The following NNT variants were observed in gnomAD, a reference collection of about 807,000 sequenced individuals.
NNT encodes NAD(P) transhydrogenase, mitochondrial.
In NNT, 50 loss-of-function variants were observed where a neutral mutation model predicts 104.8. The observed-to-expected ratio is 0.48, with a 90% CI of 0.38 to 0.60. The LOEUF is 0.60. Among genes scored for constraint, NNT ranks in the 20% least tolerant of loss-of-function variants. The pLI is 0.00. For missense variants in NNT, 1,131 were observed against 1,330.7 expected, an observed-to-expected ratio of 0.85 and a Z score of 2.33; for synonymous variants, 461 against 490.4, an observed-to-expected ratio of 0.94 and a Z score of 0.79.
rs1284519253 is a variant in NNT, at chr5:43,704,330, G to A, written c.3187G>A (p.Ala1063Thr). Reference sequence around the variant, plus strand: ...TCCAATCTTCTACAAACCTAACACGGCCATGCTTCTAGGTGATGCCAAGAA... The same window carrying A: ...TCCAATCTTCTACAAACCTAACACGACCATGCTTCTAGGTGATGCCAAGAA... Reference protein sequence around the residue: ...DNPIFYKPNTAMLLGDAKKTC... With the variant: ...DNPIFYKPNTTMLLGDAKKTC... Residue 1063 changes from alanine (A) to threonine (T), a missense_variant, in exon 22 of 22, where the codon GCC (alanine) becomes ACC (threonine). By Grantham distance (58) the Ala-to-Thr change is moderately conservative. Coordinates refer to ENST00000344920, the MANE Select transcript of NNT (RefSeq NM_182977.3). 2.5e-6 allele frequency: 4 copies of A among 1,612,612 alleles called. No homozygotes were observed. Among genetic ancestry groups the A allele is most frequent in the South Asian group, 1.1e-5 (1 of 90,984 alleles).
intron 19 of NNT, among the ~76,000 whole-genome samples, chr5:43,693,788 A>G (rs1742413444): frequency 6.6e-6 from 1 of 152,242 alleles, no homozygotes; most frequent in African/African-American, 2.4e-5. Flanking sequence ...AGAACCTAAA[A>G]CCTGCATTAA....
rs745685714 is a variant in NNT, at chr5:43,609,300, A to T, written c.105A>T (p.Thr35=). Residue 35 remains threonine (T), a synonymous_variant, in exon 2 of 22, where the codon ACA becomes ACT. Coordinates refer to ENST00000344920, the MANE Select transcript of NNT (RefSeq NM_182977.3). ...GLRVKKDFLR[T]FYTHQELWCK... ...GTGTGAAGAAGGATTTTTTACGAAC[A>T]TTTTATACTCACCAAGAACTGTGGT... 12 of 1,614,124 alleles carry T rather than the reference A, an allele frequency of 7.4e-6. No individual in the cohort carries two copies. The South Asian group carries it at 1.3e-4, about 18-fold the overall frequency.
At chr5:43,683,135 G>A (rs1268613110) in intron 19 of NNT, among the ~76,000 whole-genome samples, 2 of 152,176 alleles carry the variant, frequency 1.3e-5, no homozygotes, top group African/African-American at 4.8e-5. Context: ...CTGCCTTCTC[G>A]AAAAACATGG....
At chr5:43,626,514 C>A (rs1358116440) in intron 6 of NNT, among the ~76,000 whole-genome samples, 1 of 151,940 alleles carries the variant, frequency 6.6e-6, no homozygotes. Context: ...AAAAGATATA[C>A]ACATTTTAAA....
intron 1 of NNT, among the ~76,000 whole-genome samples, chr5:43,604,519 A>G (rs1482230667): frequency 6.6e-6 from 1 of 152,188 alleles, no homozygotes; most frequent in Non-Finnish European, 1.5e-5. Context: ...AATGTGCTCA[A>G]TAGGTACTTA....
Position 43,677,749 on chromosome 5 carries a change from C to G in NNT, c.2819C>G (p.Ala940Gly), listed in dbSNP as rs754592626. 11 of 1,613,552 alleles carry G rather than the reference C, an allele frequency of 6.8e-6. No homozygotes were observed. Among genetic ancestry groups the G allele is most frequent in the Admixed American group, 3.3e-5 (2 of 59,984 alleles). ...GGCTATGGTCTCTGTGCAGCCAAAGCTCAATACCCCATTGCTGATTTGGTA... is the reference window on the plus strand; with the variant it reads ...GGCTATGGTCTCTGTGCAGCCAAAGGTCAATACCCCATTGCTGATTTGGTA... Reference protein sequence around the residue: ...TPGYGLCAAKAQYPIADLVKM... With the variant: ...TPGYGLCAAKGQYPIADLVKM... The change falls in exon 19 of 22, where the codon GCT becomes GGT. Residue 940 changes from alanine (A) to glycine (G), a missense_variant. By Grantham distance (60) the Ala-to-Gly change is moderately conservative (BLOSUM62 0). Coordinates refer to ENST00000344920, the MANE Select transcript of NNT (RefSeq NM_182977.3).
intron 19 of NNT, among the ~76,000 whole-genome samples, chr5:43,698,266 C>T (rs1173723006): frequency 1.3e-5 from 2 of 151,146 alleles, no homozygotes; most frequent in African/African-American, 4.9e-5. Flanking sequence ...ATTTTGTTAC[C>T]ACTTTGATGA....
intron 4 of NNT, 66 bp downstream of exon 4, chr5:43,616,131 C>A: frequency 8.1e-7 from 1 of 1,233,742 alleles, no homozygotes; most frequent in South Asian, 1.4e-5. Context: ...CACACTGTAG[C>A]TCTTCTGTCT....
chr5:43,605,432 C>T (rs1749158033), intron 1 of NNT, among the ~76,000 whole-genome samples: 1 of 139,148 alleles, frequency 7.2e-6, no homozygotes, highest in Non-Finnish European at 1.5e-5. Flanking sequence ...AGGAGAATGG[C>T]GTGAACCCGG....
Position 43,666,121 on chromosome 5 carries a change from G to A in NNT, c.2634+6771G>A, listed in dbSNP as rs535848860. On this transcript the variant is annotated intron_variant, in intron 17 of 21. Coordinates refer to ENST00000344920, the MANE Select transcript of NNT (RefSeq NM_182977.3). ...CTCACTTCCCGGACTGGGCGGCCGG[G>A]CAGAGGGGCTCCTCACATCCCAGAC... Among the ~76,000 whole-genome samples the A allele has an allele frequency of 3.9e-5, 6 of 152,010 alleles. No individual in the cohort carries two copies. In the East Asian group the frequency reaches 1.2e-3, roughly 30 times the overall value.
chr5:43,628,886 C>T (rs779261226), intron 7 of NNT, among the ~76,000 whole-genome samples: 5 of 152,000 alleles, frequency 3.3e-5, no homozygotes, highest in Non-Finnish European at 7.4e-5. Flanking sequence ...CACGCCTAGC[C>T]CTTTTGTGAA....
At chr5:43,686,645 G>A (rs902261965) in intron 19 of NNT, among the ~76,000 whole-genome samples, 1 of 151,994 alleles carries the variant, frequency 6.6e-6, no homozygotes, top group African/African-American at 2.4e-5. Flanking sequence ...TTTGTATTAA[G>A]TGATTATTAA....
chr5:43,704,675 C>T lies in NNT; in HGVS notation c.*271C>T, dbSNP rs2112272193. On this transcript the variant is annotated 3_prime_UTR_variant, in exon 22 of 22. Coordinates refer to ENST00000344920, the MANE Select transcript of NNT (RefSeq NM_182977.3). ...TATTTTATAAAAGGAGAAAGAACAG[C>T]CTCATTTTAGATGTAGTCCTGTTGG... The T allele has an allele frequency of 3.0e-6, 1 of 333,174 alleles. No individual in the cohort carries two copies. The highest frequency in any genetic ancestry group is 5.5e-6 in the Non-Finnish European group (1 of 181,846). The allele number at this position is 333,174 out of a possible 1,614,324, so 20.6% of individuals were successfully genotyped here.
intron 19 of NNT, among the ~76,000 whole-genome samples, chr5:43,689,312 A>G (rs1419819836): frequency 3.3e-5 from 5 of 152,150 alleles, no homozygotes; most frequent in African/African-American, 1.2e-4. Flanking sequence ...TAGATTTTGA[A>G]GATTTTCTCC....
intron 10 of NNT, chr5:43,647,776 G>C: frequency 2.9e-6 from 1 of 343,520 alleles, no homozygotes; most frequent in South Asian, 2.4e-5. Flanking sequence ...TGTGGATTGT[G>C]ATAAGGTAGT....
At chr5:43,699,353 CT>C (rs11397352) in intron 19 of NNT, among the ~76,000 whole-genome samples, 81 of 122,478 alleles carry the variant, frequency 6.6e-4, no homozygotes, top group South Asian at 5.2e-3. Flanking sequence ...ATCTCCCTAC[CT>C]TTTTTTTTTT....
chr5:43,643,486 T>C (rs1050806854), intron 7 of NNT, among the ~76,000 whole-genome samples: 2 of 152,156 alleles, frequency 1.3e-5, no homozygotes, highest in South Asian at 4.1e-4. Flanking sequence ...AACAAGGACT[T>C]TTTTTGTTTA....
chr5:43,704,861 A>G lies in NNT; in HGVS notation c.*457A>G, dbSNP rs1425868852. ...TTTCAACAAATGTGACTAATTTGAA[A>G]CTTTTATGAACTTCTGAGCTGTCCC... On this transcript the variant is annotated 3_prime_UTR_variant, in exon 22 of 22. Coordinates refer to ENST00000344920, the MANE Select transcript of NNT (RefSeq NM_182977.3). 6.4e-6 allele frequency: 1 copy of G among 156,086 alleles called. No homozygotes were observed. The highest frequency in any genetic ancestry group is 1.4e-5 in the Non-Finnish European group (1 of 70,560). 9.7% of individuals were successfully genotyped at this position (156,086 alleles called of 1,614,324 possible). A position where few individuals can be genotyped will look rare whatever the true frequency, so the allele number is the denominator to read the frequency against.
chr5:43,694,681 C>T (rs1387267426), intron 19 of NNT, among the ~76,000 whole-genome samples: 3 of 150,558 alleles, frequency 2.0e-5, no homozygotes, highest in Admixed American at 2.0e-4. Context: ...ATTTGGTTTG[C>T]AGGTATTTTG....
Sources: allele counts gnomAD v4.1 joint callset (sites outside exome capture counted in the v4.1 genomes callset), GRCh38; gene constraint gnomAD v4.1.1; transcripts MANE v1.5; gene names NCBI Gene and HGNC (gene_info 2026-07-23, HGNC 2026-07-21).